DIAPH3: variants seen among roughly 807,000 people sequenced by gnomAD.
DIAPH3 encodes the protein diaphanous related formin 3, also known as protein diaphanous homolog 3.
Under a neutral mutation model 144.3 loss-of-function variants are expected in DIAPH3, and 117 were observed. That is an observed-to-expected ratio of 0.81 (90% CI 0.70 to 0.95). DIAPH3 has a LOEUF of 0.95. Ranked by LOEUF, DIAPH3 falls within the 40% of genes least tolerant of loss-of-function variation. The pLI, the probability that DIAPH3 is intolerant of heterozygous loss-of-function variation, is 0.00. For synonymous variants in DIAPH3, 519 were observed against 488.9 expected (o/e 1.06, Z -0.81); for missense variants, 1,421 against 1,412.7 (o/e 1.01, Z -0.09).
At chr13:60,137,385 A>C (rs2138275229) in intron 1 of DIAPH3, among the ~76,000 whole-genome samples, 1 of 152,322 alleles carries the variant, frequency 6.6e-6, no homozygotes, top group Admixed American at 6.5e-5. Flanking sequence ...AATGCTGTGA[A>C]TATCAAGAGG....
chr13:59,987,817 C>CA (rs540820835), intron 12 of DIAPH3, among the ~76,000 whole-genome samples: 89,529 of 141,006 alleles, frequency 0.63, 28,001 homozygotes, highest in Admixed American at 0.72. Context: ...CAGAAAGGGA[C>CA]AAAAAAAAAA....
intron 1 of DIAPH3, among the ~76,000 whole-genome samples, chr13:60,159,376 A>G (rs563106116): frequency 7.9e-5 from 12 of 152,188 alleles, no homozygotes; most frequent in Non-Finnish European, 1.6e-4. Flanking sequence ...CTGTAATCCC[A>G]GCACTTTGGG....
chr13:59,913,916 C>G (rs1424911275), intron 19 of DIAPH3, among the ~76,000 whole-genome samples: 1 of 151,970 alleles, frequency 6.6e-6, no homozygotes, highest in Non-Finnish European at 1.5e-5. Context: ...CGAGATCGCA[C>G]CATTGCACTC....
At chr13:59,978,503 A>C (rs903376090) in intron 14 of DIAPH3, among the ~76,000 whole-genome samples, 1 of 151,530 alleles carries the variant, frequency 6.6e-6, no homozygotes, top group African/African-American at 2.4e-5. Context: ...TCGGGACTTA[A>C]GATAAAAATT....
At chr13:59,764,168 T>C (rs976612314) in intron 27 of DIAPH3, among the ~76,000 whole-genome samples, 1 of 152,102 alleles carries the variant, frequency 6.6e-6, no homozygotes, top group African/African-American at 2.4e-5. Flanking sequence ...AACACCTTGC[T>C]CCTGCTTCAT....
chr13:60,008,700 A>G, intron 8 of DIAPH3, 51 bp from the exon 9 acceptor site: 1 of 1,131,530 alleles, frequency 8.8e-7, no homozygotes. Context: ...CACAAATGCC[A>G]TAATACAATT....
chr13:59,766,901 C>T (rs1457834465), intron 27 of DIAPH3, among the ~76,000 whole-genome samples: 1 of 152,138 alleles, frequency 6.6e-6, no homozygotes, highest in East Asian at 1.9e-4. Flanking sequence ...CAGTGATACC[C>T]GAGTCCTTCA....
intron 4 of DIAPH3, among the ~76,000 whole-genome samples, chr13:60,050,663 T>C (rs1199193030): frequency 6.6e-6 from 1 of 152,192 alleles, no homozygotes; most frequent in Non-Finnish European, 1.5e-5. Context: ...AAGTATGCCA[T>C]CCCCTGATAG....
intron 12 of DIAPH3, among the ~76,000 whole-genome samples, chr13:59,990,808 G>A (rs138622666): frequency 1.3e-5 from 2 of 152,066 alleles, no homozygotes; most frequent in Non-Finnish European, 2.9e-5. Flanking sequence ...AATGTTTAGT[G>A]CCCTTCATGT....
Position 59,879,347 on chromosome 13 carries a change from A to T in DIAPH3, c.2489T>A (p.Ile830Lys). ...IMAVSTACEEIKKSKSFSKLL... is the reference protein window; with the variant it reads ...IMAVSTACEEKKKSKSFSKLL... ...CTTGCTAAAGCTTTTGCTCTTCTTT[A>T]TCTCTTCGCAGGCAGTACTGACAGC... The change falls in exon 21 of 28, where the codon ATA becomes AAA. Residue 830 changes from isoleucine (I) to lysine (K), a missense_variant. By Grantham distance (102) the Ile-to-Lys change is moderately radical (BLOSUM62 -3). Coordinates refer to ENST00000400324, the MANE Select transcript of DIAPH3 (RefSeq NM_001042517.2). 1 of 1,613,866 alleles carries T rather than the reference A, an allele frequency of 6.2e-7. No individual in the cohort carries two copies. Among genetic ancestry groups the T allele is most frequent in the Admixed American group, 1.7e-5 (1 of 59,968 alleles).
At chr13:60,152,926 C>T (rs1951863703) in intron 1 of DIAPH3, among the ~76,000 whole-genome samples, 1 of 152,144 alleles carries the variant, frequency 6.6e-6, no homozygotes, top group Non-Finnish European at 1.5e-5. Context: ...CTCAAGTCAT[C>T]TCTGGGTACC....
At chr13:60,162,494 A>T (rs1047547437) in intron 1 of DIAPH3, among the ~76,000 whole-genome samples, 1 of 152,204 alleles carries the variant, frequency 6.6e-6, no homozygotes, top group African/African-American at 2.4e-5. Flanking sequence ...GATCAAGTCC[A>T]TACTTGATCC....
At chr13:59,941,043 G>T (rs1396053793) in intron 17 of DIAPH3, among the ~76,000 whole-genome samples, 1 of 152,120 alleles carries the variant, frequency 6.6e-6, no homozygotes, top group African/African-American at 2.4e-5. Flanking sequence ...TTCCTCTGGG[G>T]AGAAAAGATA....
intron 21 of DIAPH3, among the ~76,000 whole-genome samples, chr13:59,864,458 T>A (rs1309881939): frequency 1.3e-5 from 2 of 151,998 alleles, no homozygotes; most frequent in African/African-American, 4.8e-5. Flanking sequence ...TGTAGACTGT[T>A]TGGAACGTTA....
intron 4 of DIAPH3, among the ~76,000 whole-genome samples, chr13:60,065,594 C>T (rs557590426): frequency 6.6e-6 from 1 of 152,268 alleles, no homozygotes; most frequent in South Asian, 2.1e-4. Context: ...TTAAGAGATA[C>T]ACTGCTGTTA....
At chr13:60,011,364 G>A (rs1342063996) in intron 7 of DIAPH3, among the ~76,000 whole-genome samples, 1 of 152,012 alleles carries the variant, frequency 6.6e-6, no homozygotes, top group Non-Finnish European at 1.5e-5. Context: ...AAGGAAGGTT[G>A]GTAAGAGATA....
chr13:59,874,114 G>A (rs968418957), intron 21 of DIAPH3, among the ~76,000 whole-genome samples: 3 of 152,154 alleles, frequency 2.0e-5, no homozygotes, highest in African/African-American at 7.2e-5. Context: ...TGAAAGTAGG[G>A]CAGAAGACCA....
chr13:60,121,588 T>C (rs1216227274), intron 2 of DIAPH3, among the ~76,000 whole-genome samples: 9 of 151,860 alleles, frequency 5.9e-5, no homozygotes, highest in Admixed American at 5.9e-4. Context: ...ACCAGGAAAA[T>C]AAAGCCATCA....
intron 2 of DIAPH3, among the ~76,000 whole-genome samples, chr13:60,127,905 C>CT (rs373286006): frequency 1.8e-4 from 28 of 151,364 alleles, no homozygotes; most frequent in Middle Eastern, 3.5e-3. Context: ...CATACCTCAA[C>CT]TTTTTTTTTA....
Sources: allele counts gnomAD v4.1 joint callset (sites outside exome capture counted in the v4.1 genomes callset), GRCh38; gene constraint gnomAD v4.1.1; transcripts MANE v1.5; gene names NCBI Gene and HGNC (gene_info 2026-07-23, HGNC 2026-07-21).